The following RANBP17 variants were observed in gnomAD, a reference collection of about 807,000 sequenced individuals.
RANBP17 encodes ran-binding protein 17.
RANBP17 carries 158 observed loss-of-function variants against 141.2 expected under a neutral mutation model. That is an observed-to-expected ratio of 1.12 (90% CI 0.98 to 1.28). The LOEUF is 1.28. Among genes scored for constraint, RANBP17 ranks in the 50% most tolerant of loss-of-function variants. The probability of loss-of-function intolerance (pLI) is 0.00; values close to 1 mark genes in which losing one functional copy is unlikely to be tolerated. For synonymous variants in RANBP17, 430 were observed against 450.0 expected (o/e 0.96, Z 0.56); for missense variants, 1,438 against 1,290.7 (o/e 1.11, Z -1.75).
At chr5:171,048,227 CT>C (rs1782721702) in intron 14 of RANBP17, among the ~76,000 whole-genome samples, 1 of 152,016 alleles carries the variant, frequency 6.6e-6, no homozygotes, top group Non-Finnish European at 1.5e-5. Flanking sequence ...ACCCAACTAA[CT>C]TTTTTATTTT....
At chr5:171,138,655 A>G (rs1757479846) in intron 14 of RANBP17, among the ~76,000 whole-genome samples, 1 of 152,064 alleles carries the variant, frequency 6.6e-6, no homozygotes, top group Non-Finnish European at 1.5e-5. Flanking sequence ...TATTTCCCCA[A>G]CTGGAAATAT....
At chr5:171,213,787 A>G (rs1763055628) in intron 21 of RANBP17, 49 bp downstream of exon 21, 2 of 1,330,124 alleles carry the variant, frequency 1.5e-6, no homozygotes, top group Non-Finnish European at 2.2e-6. Flanking sequence ...ATTAGCGGAA[A>G]TCTCCAACAG....
chr5:171,283,223 T>A (rs935986300), intron 25 of RANBP17, among the ~76,000 whole-genome samples: 2 of 152,228 alleles, frequency 1.3e-5, no homozygotes, highest in Admixed American at 6.5e-5. Flanking sequence ...AAACTGTATC[T>A]TCTGCCATTG....
intron 14 of RANBP17, among the ~76,000 whole-genome samples, chr5:171,093,555 T>G (rs1202598552): frequency 6.6e-6 from 1 of 152,224 alleles, no homozygotes; most frequent in East Asian, 1.9e-4. Context: ...CAATTGTCAC[T>G]GTTATATTTT....
chr5:171,286,933 T>C (rs1235772116), intron 25 of RANBP17, among the ~76,000 whole-genome samples: 2 of 152,196 alleles, frequency 1.3e-5, no homozygotes, highest in Non-Finnish European at 2.9e-5. Flanking sequence ...GCAATCATGT[T>C]TTTTGTTTGT....
At chr5:171,146,804 C>A (rs1265689244) in intron 14 of RANBP17, among the ~76,000 whole-genome samples, 2 of 152,118 alleles carry the variant, frequency 1.3e-5, no homozygotes, top group African/African-American at 4.8e-5. Context: ...TCCTTTAGGG[C>A]TAAGAAGTCT....
At chr5:171,079,728 T>G (rs1318023396) in intron 14 of RANBP17, among the ~76,000 whole-genome samples, 1 of 152,208 alleles carries the variant, frequency 6.6e-6, no homozygotes, top group Non-Finnish European at 1.5e-5. Context: ...GTATACATTA[T>G]TTTTTAGACA....
intron 14 of RANBP17, among the ~76,000 whole-genome samples, chr5:171,116,836 T>C (rs1755663820): frequency 6.6e-6 from 1 of 152,184 alleles, no homozygotes; most frequent in East Asian, 1.9e-4. Context: ...TTTCCCAGAC[T>C]TTAATATTCT....
intron 5 of RANBP17, 75 bp downstream of exon 5, chr5:170,896,190 G>T: frequency 9.7e-7 from 1 of 1,032,742 alleles, no homozygotes; most frequent in South Asian, 1.5e-5. Flanking sequence ...TTTTATTTGT[G>T]GCAAAATAGA....
chr5:171,005,101 A>G (rs377713139), intron 14 of RANBP17, among the ~76,000 whole-genome samples: 12 of 152,190 alleles, frequency 7.9e-5, no homozygotes, highest in African/African-American at 2.9e-4. Context: ...TAATGTCAGG[A>G]GCTGACTGGG....
At position 170,948,868 on chromosome 5, in the gene RANBP17, G is replaced by A. The variant is rs377004400; in HGVS notation, c.1469-4729G>A. Among the ~76,000 whole-genome samples, 63 of 152,196 alleles carry A rather than the reference G, an allele frequency of 4.1e-4. 1 individual carries two copies. The South Asian group carries it at 0.013, about 31-fold the overall frequency. On this transcript the variant is annotated intron_variant, in intron 12 of 27. Transcript: ENST00000523189. ...CAGCATACAGGTAGACAGACATATA[G>A]GACCTGGGTGCGGTGGCTCATGCCT...
At chr5:171,082,942 C>T (rs990825662) in intron 14 of RANBP17, among the ~76,000 whole-genome samples, 4 of 150,700 alleles carry the variant, frequency 2.7e-5, no homozygotes, top group East Asian at 1.9e-4. Context: ...GGAAGAAAAT[C>T]GTAGTTGCCT....
At chr5:171,259,509 T>C (rs1284487213) in intron 24 of RANBP17, among the ~76,000 whole-genome samples, 1 of 152,264 alleles carries the variant, frequency 6.6e-6, no homozygotes, top group Non-Finnish European at 1.5e-5. Flanking sequence ...AAATGTGGTA[T>C]ACATACACAA....
chr5:171,088,569 T>G lies in RANBP17; in HGVS notation c.1711-81561T>G, dbSNP rs1009560794. On this transcript the variant is annotated intron_variant, in intron 14 of 27. Coordinates refer to ENST00000523189, the MANE Select transcript of RANBP17 (RefSeq NM_022897.5). ...ATCCTGCAGAGTGTTTTCCAACTTG[T>G]TTCCATTCTCCCCGTCACTTTCAGG... Among the ~76,000 whole-genome samples, 692 of 152,316 alleles carry G rather than the reference T, an allele frequency of 4.5e-3. 4 individuals are homozygous for G. The highest frequency in any genetic ancestry group is 0.016 in the African/African-American group (657 of 41,574).
chr5:171,004,748 C>G (rs1392724766), intron 14 of RANBP17, among the ~76,000 whole-genome samples: 2 of 152,156 alleles, frequency 1.3e-5, no homozygotes, highest in African/African-American at 4.8e-5. Context: ...GTGAGTCGGA[C>G]AGTCTGACCT....
chr5:171,186,521 A>ATTTTTTT (rs1243325206), intron 18 of RANBP17, among the ~76,000 whole-genome samples: 52 of 29,480 alleles, frequency 1.8e-3, no homozygotes, highest in South Asian at 2.8e-3. Context: ...CACTGGTATG[A>ATTTTTTT]TTTTCTTTTT....
rs114392922 is a variant in RANBP17, at chr5:171,296,968, C to T, written c.3170+954C>T. 4.6e-3 allele frequency among the ~76,000 whole-genome samples: 703 copies of T among 152,222 alleles called. 4 individuals carry two copies. Among genetic ancestry groups the T allele is most frequent in the African/African-American group, 0.016 (650 of 41,520 alleles). ...GTTTTTAAAGATATTTTATATCTGG[C>T]CTTTTTAGGTTGTGTGGCAGTAGGC... On this transcript the variant is annotated intron_variant, in intron 27 of 27. Coordinates refer to ENST00000523189, the MANE Select transcript of RANBP17 (RefSeq NM_022897.5).
intron 16 of RANBP17, among the ~76,000 whole-genome samples, chr5:171,174,734 A>G (rs1760320000): frequency 6.8e-6 from 1 of 148,026 alleles, no homozygotes; most frequent in South Asian, 2.2e-4. Flanking sequence ...AAACATGAGA[A>G]AACTAAAAAT....
intron 14 of RANBP17, among the ~76,000 whole-genome samples, chr5:171,022,525 G>T (rs1375046837): frequency 2.0e-5 from 3 of 152,234 alleles, no homozygotes; most frequent in Non-Finnish European, 2.9e-5. Context: ...ACCCCACCCA[G>T]TGAGGAAGGA....
Sources: gnomAD v4.1 joint callset for allele counts (sites outside exome capture counted in the v4.1 genomes callset) on GRCh38, gnomAD v4.1.1 for gene constraint, MANE v1.5 for transcripts, NCBI Gene and HGNC (gene_info 2026-07-23, HGNC 2026-07-21) for gene names.